Variants in DCUN1D4 observed in about 807,000 individuals in gnomAD.
DCUN1D4 encodes defective in cullin neddylation 1 domain containing 4.
In DCUN1D4, 22 loss-of-function variants were observed where a neutral mutation model predicts 47.9. That is an observed-to-expected ratio of 0.46 (90% confidence interval 0.33 to 0.66). The LOEUF (loss-of-function observed/expected upper bound fraction) is 0.66, where lower values mean the gene tolerates loss of function less well. Ranked by LOEUF, DCUN1D4 falls within the 30% of genes least tolerant of loss-of-function variation. The pLI is 0.02. For synonymous variants in DCUN1D4, 121 were observed against 112.2 expected, an observed-to-expected ratio of 1.08 and a Z score of -0.50; for missense variants, 301 against 340.8, an observed-to-expected ratio of 0.88 and a Z score of 0.92.
At chr4:51,882,675 G>C (rs570462281) in intron 5 of DCUN1D4, among the ~76,000 whole-genome samples, 10 of 152,246 alleles carry the variant, frequency 6.6e-5, no homozygotes, top group Non-Finnish European at 1.3e-4. Flanking sequence ...GCTGAGGCAG[G>C]AGGATGTCAT....
chr4:51,856,081 G>A (rs534832282), intron 1 of DCUN1D4, among the ~76,000 whole-genome samples: 11 of 152,280 alleles, frequency 7.2e-5, no homozygotes, highest in African/African-American at 2.6e-4. Flanking sequence ...TCGTGTTCTT[G>A]TTCTGTTCCA....
At chr4:51,846,693 A>T (rs1423035137) in intron 1 of DCUN1D4, among the ~76,000 whole-genome samples, 1 of 152,198 alleles carries the variant, frequency 6.6e-6, no homozygotes, top group Non-Finnish European at 1.5e-5. Context: ...TTGCCAATAC[A>T]ATGCTCAAAT....
At chr4:51,844,623 C>T (rs1722211025) in intron 1 of DCUN1D4, among the ~76,000 whole-genome samples, 1 of 151,826 alleles carries the variant, frequency 6.6e-6, no homozygotes, top group Non-Finnish European at 1.5e-5. Flanking sequence ...CCATGGAACC[C>T]GCTTCCTTAG....
At chr4:51,843,750 C>G (rs1721987716) in intron 1 of DCUN1D4, 6 of 987,498 alleles carry the variant, frequency 6.1e-6, no homozygotes, top group Non-Finnish European at 6.0e-6. Flanking sequence ...CGGGTGAGTG[C>G]GAGGGGGGCG....
intron 6 of DCUN1D4, among the ~76,000 whole-genome samples, chr4:51,890,301 A>T (rs189490015): frequency 6.6e-6 from 1 of 152,124 alleles, no homozygotes; most frequent in South Asian, 2.1e-4. Context: ...TCCTTTCACC[A>T]TAGCCGCCAT....
chr4:51,839,124 A>G (rs550108756), upstream of DCUN1D4, among the ~76,000 whole-genome samples: 63 of 149,316 alleles, frequency 4.2e-4, no homozygotes, highest in Non-Finnish European at 6.8e-4. Context: ...GGAAGGAGAG[A>G]AGGAGGGAAT....
In DCUN1D4 at chr4:51,911,092, A is replaced by G. The variant is rs763032738; in HGVS notation, c.638A>G (p.Asp213Gly). The G allele has an allele frequency of 1.9e-6, 3 of 1,613,612 alleles. No homozygotes were observed. The highest frequency in any genetic ancestry group is 2.5e-6 in the Non-Finnish European group (3 of 1,179,806). The part of the protein sequence containing the change: ...FAREKDQRSL[D>G]INTAKCMLGL... ...CAGGAAAAGGACCAGCGCAGCCTAG[A>G]CATAAACACTGCCAAGTGCATGTTG... Residue 213 changes from aspartate to glycine, a missense_variant, in exon 9 of 11, where the codon GAC becomes GGC. Physicochemically the swap from Asp to Gly is moderately conservative, Grantham distance 94. Around this residue, in one of 2 missense-constraint regions of DCUN1D4, gnomAD observed 170 missense variants for 234.5 expected, o/e 0.73. Transcript: ENST00000334635.
chr4:51,913,583 A>T lies in DCUN1D4; in HGVS notation c.878A>T (p.Ter293LeuextTer82). The T allele has an allele frequency of 6.2e-7, 1 of 1,611,740 alleles. No individual in the cohort carries two copies. The highest frequency in any genetic ancestry group is 8.5e-7 in the Non-Finnish European group (1 of 1,178,524). Residue 293 changes from the stop codon to leucine, a stop_lost, in exon 11 of 11, where the codon TAG (stop) becomes TTG (leucine). Coordinates refer to ENST00000334635, the MANE Select transcript of DCUN1D4 (RefSeq NM_001040402.3). The stretch of plus-strand genomic sequence containing the variant: ...TGGTATAAAGACAAACAGATGTCCT[A>T]GGACTTTATGCATAGCAGCGAGAGA... Reference protein sequence around the residue: ...VEWYKDKQMS* With the variant: ...VEWYKDKQMSL
chr4:51,849,775 C>A (rs1250434268), intron 1 of DCUN1D4, among the ~76,000 whole-genome samples: 2 of 152,024 alleles, frequency 1.3e-5, no homozygotes, highest in Non-Finnish European at 2.9e-5. Flanking sequence ...GGAGCTAATA[C>A]ATAACTCCTT....
intron 7 of DCUN1D4, among the ~76,000 whole-genome samples, chr4:51,893,563 A>T (rs914584767): frequency 6.6e-6 from 1 of 152,044 alleles, no homozygotes. Flanking sequence ...AGTAGCTGGG[A>T]TTACAAGCAG....
At chr4:51,848,380 G>A in intron 1 of DCUN1D4, 2 of 1,164,058 alleles carry the variant, frequency 1.7e-6, no homozygotes, top group Non-Finnish European at 2.2e-6. Flanking sequence ...CTGATGTTAA[G>A]GGGCCTAGAG....
intron 7 of DCUN1D4, among the ~76,000 whole-genome samples, chr4:51,895,557 C>G (rs1463704932): frequency 1.6e-4 from 4 of 24,820 alleles, no homozygotes; most frequent in African/African-American, 4.8e-4. Flanking sequence ...GGTGCTTAAA[C>G]TTAAAAAAAA....
chr4:51,891,562 A>T (rs959378988), intron 6 of DCUN1D4, among the ~76,000 whole-genome samples, 198 bp from the exon 7 acceptor site: 1 of 152,170 alleles, frequency 6.6e-6, no homozygotes, highest in African/African-American at 2.4e-5. Flanking sequence ...TTGTCAGCAG[A>T]CTATATTGTC....
the DCUN1D4 span, among the ~76,000 whole-genome samples, chr4:51,837,654 C>A: frequency 2.8e-4 from 13 of 46,188 alleles, no homozygotes; most frequent in Admixed American, 8.3e-4. Context: ...GACTCCGTCT[C>A]AAAAAAAAAA....
intron 6 of DCUN1D4, chr4:51,887,323 A>G (rs1729657195): frequency 3.2e-6 from 1 of 312,780 alleles, no homozygotes; most frequent in South Asian, 2.4e-5. Flanking sequence ...AGATGTCTCT[A>G]TCTCCTGACC....
intron 5 of DCUN1D4, among the ~76,000 whole-genome samples, chr4:51,882,461 G>T (rs896162617): frequency 6.6e-6 from 1 of 152,174 alleles, no homozygotes; most frequent in Admixed American, 6.5e-5. Context: ...CAGGCGGCTT[G>T]CTAGGCTCAA....
Position 51,877,753 on chromosome 4 carries a change from C to G in DCUN1D4, c.252-10C>G. 6.3e-7 allele frequency: 1 copy of G among 1,580,972 alleles called. No individual in the cohort carries two copies. Among genetic ancestry groups the G allele is most frequent in the Non-Finnish European group, 8.6e-7 (1 of 1,160,022 alleles). On this transcript the variant is annotated splice_polypyrimidine_tract_variant and intron_variant, in intron 4 of 10. Transcript: ENST00000334635. ...TTTAAATAACTTAAAACTGCCTTTTCAATTTCCAGCATGTATAGAAAATAT... is the reference window on the plus strand; with the variant it reads ...TTTAAATAACTTAAAACTGCCTTTTGAATTTCCAGCATGTATAGAAAATAT...
At chr4:51,838,637 C>T (rs1577786028), upstream of DCUN1D4, among the ~76,000 whole-genome samples, 1 of 152,294 alleles carries the variant, frequency 6.6e-6, no homozygotes, top group Non-Finnish European at 1.5e-5. Flanking sequence ...CCCACCTCAG[C>T]CTCCGAAAGT....
intron 8 of DCUN1D4, chr4:51,905,106 T>C (rs1732680546): frequency 2.3e-6 from 1 of 432,132 alleles, no homozygotes; most frequent in South Asian, 1.6e-5. Flanking sequence ...CCTTTGAACC[T>C]TGTAGCCAAT....
Sources: allele counts gnomAD v4.1 joint callset (sites outside exome capture counted in the v4.1 genomes callset), GRCh38; gene constraint gnomAD v4.1.1; regional missense constraint gnomAD v4.1.1; transcripts MANE v1.5; gene names NCBI Gene and HGNC (gene_info 2026-07-23, HGNC 2026-07-21).